CPQ: variants seen among roughly 807,000 people sequenced by gnomAD.
CPQ encodes carboxypeptidase Q, also known as Ser-Met dipeptidase.
CPQ carries 37 observed loss-of-function variants against 45.7 expected under a neutral mutation model. That is an observed-to-expected ratio of 0.81 (90% confidence interval 0.62 to 1.07). The LOEUF is 1.07. Among genes scored for constraint, CPQ ranks in the 50% least tolerant of loss-of-function variants. The pLI is 0.00. For synonymous variants in CPQ, 186 were observed against 205.8 expected (o/e 0.90, Z 0.82); for missense variants, 537 against 572.9 (o/e 0.94, Z 0.64).
At chr8:96,935,375 A>T (rs1194791815) in intron 4 of CPQ, among the ~76,000 whole-genome samples, 1 of 152,118 alleles carries the variant, frequency 6.6e-6, no homozygotes, top group Non-Finnish European at 1.5e-5. Flanking sequence ...TTTCATTGTG[A>T]TGGGGTTATA....
At position 97,045,778 on chromosome 8, in the gene CPQ, C is replaced by T. The variant is rs1011819657; in HGVS notation, c.1053+16284C>T. Among the ~76,000 whole-genome samples the T allele has an allele frequency of 1.8e-4, 28 of 152,288 alleles. 1 individual carries two copies. Among genetic ancestry groups the T allele is most frequent in the Middle Eastern group, 3.4e-3 (1 of 294 alleles). On this transcript the variant is annotated intron_variant, in intron 6 of 7. Transcript: ENST00000220763. Reference sequence around the variant, plus strand: ...GTTACTGTGATTTTCTGTGCTTCCACGACACTAACACGTAAACATCAAAGA... The same window carrying T: ...GTTACTGTGATTTTCTGTGCTTCCATGACACTAACACGTAAACATCAAAGA...
intron 6 of CPQ, among the ~76,000 whole-genome samples, chr8:97,065,440 A>G (rs1204475015): frequency 1.3e-5 from 2 of 152,160 alleles, no homozygotes; most frequent in Non-Finnish European, 2.9e-5. Context: ...GCCTTGTTCT[A>G]TTACCTCCCT....
chr8:96,824,935 C>G (rs1454075181), intron 2 of CPQ, among the ~76,000 whole-genome samples: 3 of 151,914 alleles, frequency 2.0e-5, no homozygotes, highest in East Asian at 1.9e-4. Context: ...TCAAAATATG[C>G]AAAAAGCATT....
intron 6 of CPQ, among the ~76,000 whole-genome samples, chr8:97,047,915 A>G (rs1180352966): frequency 6.6e-6 from 1 of 152,174 alleles, no homozygotes. Flanking sequence ...TAGAACCCTA[A>G]CCTTTGAGAG....
At chr8:97,099,144 T>G (rs13262037) in intron 7 of CPQ, among the ~76,000 whole-genome samples, 1 of 135,938 alleles carries the variant, frequency 7.4e-6, no homozygotes, top group Admixed American at 7.6e-5. Context: ...TTTTTTTTTG[T>G]GATGAAGTCT....
chr8:96,740,369 A>C (rs986665703), intron 1 of CPQ, among the ~76,000 whole-genome samples: 71 of 152,214 alleles, frequency 4.7e-4, no homozygotes, highest in Middle Eastern at 3.4e-3. Context: ...TGGGCTGAGA[A>C]GATGGGGTTT....
chr8:96,838,634 A>G (rs772464058), intron 3 of CPQ, among the ~76,000 whole-genome samples: 7 of 151,978 alleles, frequency 4.6e-5, no homozygotes, highest in Non-Finnish European at 1.0e-4. Context: ...ACTAGACTCT[A>G]AGTTCCAGAA....
chr8:96,732,774 A>G (rs1809928699), intron 1 of CPQ, among the ~76,000 whole-genome samples: 2 of 152,108 alleles, frequency 1.3e-5, no homozygotes, highest in Admixed American at 1.3e-4. Flanking sequence ...TATCTGACAT[A>G]CCTATGCTCA....
intron 1 of CPQ, among the ~76,000 whole-genome samples, chr8:96,698,967 A>G (rs1420364513): frequency 6.6e-6 from 1 of 152,188 alleles, no homozygotes; most frequent in Non-Finnish European, 1.5e-5. Flanking sequence ...AGATCCAGCA[A>G]TCCCACTGCC....
chr8:97,058,403 G>C, intron 6 of CPQ, among the ~76,000 whole-genome samples: 1 of 152,134 alleles, frequency 6.6e-6, no homozygotes, highest in East Asian at 1.9e-4. Flanking sequence ...CAACCAGAAA[G>C]CACTATCTTG....
intron 1 of CPQ, among the ~76,000 whole-genome samples, chr8:96,759,026 C>T (rs971290923): frequency 9.9e-5 from 15 of 152,140 alleles, no homozygotes; most frequent in African/African-American, 3.6e-4. Flanking sequence ...GGACAAAGTT[C>T]GAGTAATATT....
intron 3 of CPQ, among the ~76,000 whole-genome samples, chr8:96,864,532 A>G (rs1437582280): frequency 6.6e-6 from 1 of 151,986 alleles, no homozygotes; most frequent in Non-Finnish European, 1.5e-5. Context: ...TTGGCCCAAG[A>G]AGCAGTATGT....
chr8:96,985,024 GT>G (rs976233228), intron 5 of CPQ, among the ~76,000 whole-genome samples: 86 of 152,194 alleles, frequency 5.7e-4, no homozygotes, highest in African/African-American at 1.9e-3. Flanking sequence ...TTGAAAACAC[GT>G]TTACTTTGTT....
At chr8:97,117,397 AG>A (rs1187183539) in intron 7 of CPQ, among the ~76,000 whole-genome samples, 1 of 152,156 alleles carries the variant, frequency 6.6e-6, no homozygotes, top group Non-Finnish European at 1.5e-5. Context: ...AGCACTGAAA[AG>A]TTCTATATTC....
chr8:97,099,141 T>G (rs1004214902), intron 7 of CPQ, among the ~76,000 whole-genome samples: 4 of 142,732 alleles, frequency 2.8e-5, no homozygotes, highest in Non-Finnish European at 6.1e-5. Flanking sequence ...TTTTTTTTTT[T>G]TGTGATGAAG....
chr8:96,740,863 G>T lies in CPQ; in HGVS notation c.-34-44001G>T, dbSNP rs190042864. On this transcript the variant is annotated intron_variant, in intron 1 of 7. Coordinates refer to ENST00000220763, the MANE Select transcript of CPQ (RefSeq NM_016134.4). Reference sequence around the variant, plus strand: ...TTTGAGGTGCTGCTGGATTCGGTTTGCTAGTATTTTATTGAGGATTTTTGC... The same window carrying T: ...TTTGAGGTGCTGCTGGATTCGGTTTTCTAGTATTTTATTGAGGATTTTTGC... Among the ~76,000 whole-genome samples the T allele has an allele frequency of 5.9e-3, 896 of 152,276 alleles. 8 individuals carry two copies. Among genetic ancestry groups the T allele is most frequent in the Non-Finnish European group, 9.7e-3 (657 of 68,028 alleles).
At chr8:96,737,315 T>C (rs965145785) in intron 1 of CPQ, among the ~76,000 whole-genome samples, 17 of 138,212 alleles carry the variant, frequency 1.2e-4, no homozygotes, top group African/African-American at 4.6e-4. Context: ...ATAGGATATA[T>C]ATATATATAT....
At chr8:97,136,759 T>C (rs1245663192) in intron 7 of CPQ, among the ~76,000 whole-genome samples, 1 of 152,232 alleles carries the variant, frequency 6.6e-6, no homozygotes, top group East Asian at 1.9e-4. Context: ...GGGAGAATAT[T>C]TGCCTTCAGA....
chr8:96,934,797 G>A (rs572974054), intron 4 of CPQ, among the ~76,000 whole-genome samples: 22 of 152,152 alleles, frequency 1.4e-4, no homozygotes, highest in South Asian at 6.2e-4. Flanking sequence ...GAGGGAGCTC[G>A]GAGTTCATTA....
Sources: gnomAD v4.1 joint callset for allele counts (sites outside exome capture counted in the v4.1 genomes callset) on GRCh38, gnomAD v4.1.1 for gene constraint, MANE v1.5 for transcripts, NCBI Gene and HGNC (gene_info 2026-07-23, HGNC 2026-07-21) for gene names.